Variants in LINGO2 observed in about 807,000 individuals in gnomAD.
LINGO2 encodes the protein leucine-rich repeat and immunoglobulin-like domain-containing nogo receptor-interacting protein 2.
Under a neutral mutation model 30.6 loss-of-function variants are expected in LINGO2, and 14 were observed. The observed-to-expected ratio is 0.46, with a 90% confidence interval of 0.30 to 0.72. The LOEUF is 0.72. Among genes scored for constraint, LINGO2 ranks in the 30% least tolerant of loss-of-function variants. LINGO2 has a pLI of 0.07. For missense variants in LINGO2, 729 were observed against 751.7 expected (o/e 0.97, Z 0.35); for synonymous variants, 317 against 288.5 (o/e 1.10, Z -1.00).
At chr9:27,978,478 T>G (rs1318225074) in intron 5 of LINGO2, among the ~76,000 whole-genome samples, 1 of 152,028 alleles carries the variant, frequency 6.6e-6, no homozygotes, top group Non-Finnish European at 1.5e-5. Context: ...GGTTTATTAG[T>G]GCCCTTATAA....
At chr9:28,408,644 G>A (rs1467857485) in intron 2 of LINGO2, among the ~76,000 whole-genome samples, 4 of 151,236 alleles carry the variant, frequency 2.6e-5, no homozygotes, top group Non-Finnish European at 5.9e-5. Flanking sequence ...GGGGAGGGAT[G>A]GCATTAGGAG....
At chr9:28,688,995 G>A in the LINGO2 span, among the ~76,000 whole-genome samples, 1 of 152,148 alleles carries the variant, frequency 6.6e-6, no homozygotes, top group Non-Finnish European at 1.5e-5. Flanking sequence ...CGTTTCCCTT[G>A]ATCCTGAGTG....
chr9:29,057,058 C>T, the LINGO2 span, among the ~76,000 whole-genome samples: 1 of 151,942 alleles, frequency 6.6e-6, no homozygotes, highest in African/African-American at 2.4e-5. Context: ...CTTGCTTTGG[C>T]TATCTGGGCT....
chr9:29,151,999 C>T, the LINGO2 span, among the ~76,000 whole-genome samples: 1 of 152,058 alleles, frequency 6.6e-6, no homozygotes, highest in Non-Finnish European at 1.5e-5. Context: ...AAAAAGTGGA[C>T]AAAAGATATG....
chr9:28,428,325 A>G (rs146907545), intron 2 of LINGO2, among the ~76,000 whole-genome samples: 1 of 152,244 alleles, frequency 6.6e-6, no homozygotes, highest in African/African-American at 2.4e-5. Flanking sequence ...GAAAATCACA[A>G]TGTGAATAAT....
the LINGO2 span, among the ~76,000 whole-genome samples, chr9:28,988,579 T>C: frequency 6.6e-6 from 1 of 152,178 alleles, no homozygotes; most frequent in Non-Finnish European, 1.5e-5. Context: ...TTGTTCACTG[T>C]TTTCTGGTTG....
At chr9:28,263,838 G>A (rs1353592108) in intron 4 of LINGO2, among the ~76,000 whole-genome samples, 3 of 151,910 alleles carry the variant, frequency 2.0e-5, no homozygotes, top group African/African-American at 4.8e-5. Flanking sequence ...GGGTTAAAAA[G>A]GAGTAATTCA....
rs918653628 is a variant in LINGO2, at chr9:28,156,654, A to G, written c.-87+138554T>C. 4.6e-5 allele frequency among the ~76,000 whole-genome samples: 7 copies of G among 152,250 alleles called. No homozygotes were observed. In the East Asian group the frequency reaches 1.3e-3, roughly 29 times the overall value. ...ACAGTCAAAAGTCTCATCCGAGACAAGACAAATCCCTTCCACCTATGAGCC... is the reference window on the plus strand; with the variant it reads ...ACAGTCAAAAGTCTCATCCGAGACAGGACAAATCCCTTCCACCTATGAGCC... On this transcript the variant is annotated intron_variant, in intron 4 of 5. Transcript: ENST00000379992.
At chr9:29,133,893 T>C in the LINGO2 span, among the ~76,000 whole-genome samples, 1 of 152,140 alleles carries the variant, frequency 6.6e-6, no homozygotes, top group Non-Finnish European at 1.5e-5. Flanking sequence ...ATTTATTTAA[T>C]GTCCCATCTG....
At chr9:28,565,158 A>T (rs2135567515) in intron 1 of LINGO2, among the ~76,000 whole-genome samples, 1 of 152,234 alleles carries the variant, frequency 6.6e-6, no homozygotes, top group South Asian at 2.1e-4. Flanking sequence ...TATAATATTC[A>T]CATGTAAAAT....
Position 28,110,829 on chromosome 9 carries a change from G to A in LINGO2, c.-86-98424C>T, listed in dbSNP as rs1013314390. On this transcript the variant is annotated intron_variant, in intron 4 of 5. Transcript: ENST00000379992. ...CATCCATTTTGGAAGACAGTATGGC[G>A]ATTCCTCAAGGATCTAGAAGCAGAA... 4.6e-5 allele frequency among the ~76,000 whole-genome samples: 7 copies of A among 152,146 alleles called. No individual in the cohort carries two copies. The South Asian group carries it at 6.2e-4, about 14-fold the overall frequency.
intron 4 of LINGO2, among the ~76,000 whole-genome samples, chr9:28,194,604 G>A (rs1819944439): frequency 7.2e-6 from 1 of 137,950 alleles, no homozygotes; most frequent in Non-Finnish European, 1.6e-5. Context: ...TAATAACAAG[G>A]AAAAGCTTTC....
the LINGO2 span, among the ~76,000 whole-genome samples, chr9:29,202,010 T>C: frequency 6.6e-6 from 1 of 152,126 alleles, no homozygotes; most frequent in Non-Finnish European, 1.5e-5. Context: ...TTACTATGGT[T>C]TTGGATATGA....
chr9:28,425,358 T>A (rs55970215), intron 2 of LINGO2, among the ~76,000 whole-genome samples: 1 of 150,296 alleles, frequency 6.7e-6, no homozygotes, highest in Non-Finnish European at 1.5e-5. Flanking sequence ...CACATACATA[T>A]ACACATATAT....
chr9:28,266,141 T>A (rs1184414405), intron 4 of LINGO2, among the ~76,000 whole-genome samples: 1 of 152,002 alleles, frequency 6.6e-6, no homozygotes, highest in East Asian at 1.9e-4. Flanking sequence ...GCTTCCGAAG[T>A]TCTACCTTGC....
the LINGO2 span, among the ~76,000 whole-genome samples, chr9:29,018,855 C>T: frequency 9.9e-5 from 15 of 152,194 alleles, no homozygotes; most frequent in African/African-American, 1.9e-4. Flanking sequence ...TTCTAGTCAA[C>T]GGAAAACTCA....
At chr9:28,991,062 A>G in the LINGO2 span, among the ~76,000 whole-genome samples, 1 of 152,074 alleles carries the variant, frequency 6.6e-6, no homozygotes, top group Non-Finnish European at 1.5e-5. Flanking sequence ...CGATCAAACT[A>G]CTCCGAGCTA....
chr9:28,332,407 C>A (rs73645649), intron 3 of LINGO2, among the ~76,000 whole-genome samples: 2,080 of 152,158 alleles, frequency 0.014, 36 homozygotes, highest in African/African-American at 0.048. Flanking sequence ...GAAGGTTTCT[C>A]TGGAAGTGAA....
chr9:29,117,899 T>C, the LINGO2 span, among the ~76,000 whole-genome samples: 2 of 152,358 alleles, frequency 1.3e-5, no homozygotes, highest in Admixed American at 1.3e-4. Context: ...TAATATTTAG[T>C]TGTCCAGTAT....
Sources: allele counts gnomAD v4.1 joint callset (sites outside exome capture counted in the v4.1 genomes callset), GRCh38; gene constraint gnomAD v4.1.1; transcripts MANE v1.5; gene names NCBI Gene and HGNC (gene_info 2026-07-23, HGNC 2026-07-21).